SLC12A8: variants seen among roughly 807,000 people sequenced by gnomAD.
SLC12A8 encodes the protein cation-chloride cotransporter 9.
A neutral mutation model predicts 75.6 loss-of-function variants in SLC12A8; 69 were observed. The observed-to-expected ratio is 0.91, with a 90% CI of 0.75 to 1.11. The LOEUF is 1.11. SLC12A8 is among the 50% of genes most tolerant of loss of function. The probability of loss-of-function intolerance (pLI) is 0.00; values close to 1 mark genes in which losing one functional copy is unlikely to be tolerated. For synonymous variants in SLC12A8, 365 were observed against 372.8 expected, an observed-to-expected ratio of 0.98 and a Z score of 0.24; for missense variants, 877 against 896.7, an observed-to-expected ratio of 0.98 and a Z score of 0.28.
chr3:125,135,232 C>A (rs1433798594), intron 6 of SLC12A8, among the ~76,000 whole-genome samples: 2 of 152,108 alleles, frequency 1.3e-5, no homozygotes, highest in Non-Finnish European at 2.9e-5. Context: ...TGTGCTGGTA[C>A]GGGTAGGGGG....
Position 125,149,692 on chromosome 3 carries a change from G to A in SLC12A8, c.623-13910C>T, listed in dbSNP as rs1306267844. 2.6e-5 allele frequency among the ~76,000 whole-genome samples: 4 copies of A among 152,102 alleles called. No homozygotes were observed. In the East Asian group the frequency reaches 7.7e-4, roughly 29 times the overall value. ...TTTGCTTCCTATTCAGGCCAGGAAG[G>A]GAGAGAAAGAGAAGAAATGGAAGGT... On this transcript the variant is annotated intron_variant, in intron 5 of 13. Transcript: ENST00000469902.
intron 4 of SLC12A8, among the ~76,000 whole-genome samples, chr3:125,185,927 G>A (rs2107793298): frequency 6.6e-6 from 1 of 152,332 alleles, no homozygotes; most frequent in South Asian, 2.1e-4. Context: ...GGCCGTGGCT[G>A]CCAGCACTTA....
chr3:125,101,830 A>G (rs958458688), intron 10 of SLC12A8, among the ~76,000 whole-genome samples: 5 of 152,214 alleles, frequency 3.3e-5, no homozygotes, highest in Admixed American at 1.3e-4. Context: ...TATTTGATCA[A>G]TGCTTCAATG....
chr3:125,111,218 C>T (rs1008543123), intron 8 of SLC12A8, among the ~76,000 whole-genome samples: 2 of 152,144 alleles, frequency 1.3e-5, no homozygotes, highest in African/African-American at 4.8e-5. Flanking sequence ...GTGCCCAACA[C>T]AGAAATATAA....
At chr3:125,124,651 C>T (rs1254233512) in intron 6 of SLC12A8, among the ~76,000 whole-genome samples, 1 of 152,174 alleles carries the variant, frequency 6.6e-6, no homozygotes, top group Non-Finnish European at 1.5e-5. Context: ...GGGGCTCACA[C>T]ACTGTGGCTG....
rs778779361 is a variant in SLC12A8 at position 125,088,351 on chromosome 3, G to C, written c.1941C>G (p.Ser647Arg). 6.2e-7 allele frequency: 1 copy of C among 1,614,182 alleles called. No homozygotes were observed. Among genetic ancestry groups the C allele is most frequent in the Admixed American group, 1.7e-5 (1 of 60,022 alleles). The change falls in exon 13 of 14, where the codon AGC becomes AGG. Residue 647 changes from serine to arginine, a missense_variant. Physicochemically the swap from Ser to Arg is moderately radical, Grantham distance 110. Coordinates refer to ENST00000469902, the MANE Select transcript of SLC12A8 (RefSeq NM_024628.6). ...GLHLGSASNF[S>R]FFRWMRSLLL... ...AGAGAGACCTCATCCACCGGAAAAAGCTGAAGTTGGAGGCTGATCCTGCAG... is the reference window on the plus strand; with the variant it reads ...AGAGAGACCTCATCCACCGGAAAAACCTGAAGTTGGAGGCTGATCCTGCAG...
rs757763406 is a variant in SLC12A8 at position 125,177,767 on chromosome 3, C to T, written c.598G>A (p.Gly200Ser). 1 of 1,614,004 alleles carries T rather than the reference C, an allele frequency of 6.2e-7. No individual in the cohort carries two copies. Among genetic ancestry groups the T allele is most frequent in the African/African-American group, 1.3e-5 (1 of 74,906 alleles). The change falls in exon 5 of 14, where the codon GGT becomes AGT. Residue 200 changes from glycine (G) to serine (S), a missense_variant. Transcript: ENST00000469902. ...CCTGGGTCCAGGTGGGTGAAAGAAC[C>T]CACCACAAAGTCCAGTGTGGACACG... ...LAVSTLDFVV[G>S]SFTHLDPEHG...
chr3:125,083,750 G>A lies in SLC12A8; in HGVS notation c.*140C>T. 2.6e-6 allele frequency: 2 copies of A among 756,436 alleles called. No individual in the cohort carries two copies. Among genetic ancestry groups the A allele is most frequent in the Non-Finnish European group, 4.0e-6 (2 of 494,382 alleles). The allele number at this position is 756,436 out of a possible 1,614,324, so 46.9% of individuals were successfully genotyped here. A position where few individuals can be genotyped will look rare whatever the true frequency, so the allele number is the denominator to read the frequency against. On this transcript the variant is annotated 3_prime_UTR_variant, in exon 14 of 14. Transcript: ENST00000469902. The stretch of plus-strand genomic sequence containing the variant: ...AAAAAAAAAAAAGGGAAAAGAAAAT[G>A]TAGATTTCCATTGTCCAAAGTGACA...
At chr3:125,161,542 G>C (rs549984356) in intron 5 of SLC12A8, among the ~76,000 whole-genome samples, 1 of 152,132 alleles carries the variant, frequency 6.6e-6, no homozygotes, top group Non-Finnish European at 1.5e-5. Context: ...CAGATCCCTG[G>C]TCTTTCTCTC....
At chr3:125,205,784 T>C (rs1253752799) in intron 2 of SLC12A8, among the ~76,000 whole-genome samples, 2 of 152,174 alleles carry the variant, frequency 1.3e-5, no homozygotes, top group South Asian at 4.1e-4. Context: ...TATGCCAAAT[T>C]TTCTATTTGC....
At chr3:125,098,806 T>C (rs913305573) in intron 10 of SLC12A8, among the ~76,000 whole-genome samples, 9 of 152,156 alleles carry the variant, frequency 5.9e-5, no homozygotes, top group East Asian at 3.8e-4. Flanking sequence ...AGGGGCAAAG[T>C]TGATTTGAAG....
At chr3:125,108,567 C>T (rs971644849) in intron 9 of SLC12A8, among the ~76,000 whole-genome samples, 1 of 152,082 alleles carries the variant, frequency 6.6e-6, no homozygotes, top group African/African-American at 2.4e-5. Context: ...CGTGGTTTTG[C>T]TATGTTGCCC....
At chr3:125,110,503 G>T (rs2107744212) in intron 8 of SLC12A8, 168 bp from the exon 9 acceptor site, 1 of 566,232 alleles carries the variant, frequency 1.8e-6, no homozygotes, top group South Asian at 2.8e-5. Context: ...TTCATTCCAT[G>T]GTTTCAGCTG....
chr3:125,188,994 G>A (rs148493049), intron 3 of SLC12A8, among the ~76,000 whole-genome samples: 196 of 152,296 alleles, frequency 1.3e-3, no homozygotes, highest in African/African-American at 4.5e-3. Context: ...CTATGTAATG[G>A]TTAATTTTAT....
At chr3:125,157,655 C>T (rs897994642) in intron 5 of SLC12A8, among the ~76,000 whole-genome samples, 18 of 152,218 alleles carry the variant, frequency 1.2e-4, no homozygotes, top group African/African-American at 4.3e-4. Context: ...GCTGAGTCTT[C>T]ACATATGCTG....
intron 6 of SLC12A8, among the ~76,000 whole-genome samples, chr3:125,132,175 G>A (rs1477228785): frequency 6.6e-6 from 1 of 152,208 alleles, no homozygotes; most frequent in Admixed American, 6.5e-5. Flanking sequence ...GCAGGAGCAG[G>A]TGGAGGCATG....
At chr3:125,189,875 C>A (rs941070130) in intron 3 of SLC12A8, among the ~76,000 whole-genome samples, 3 of 152,138 alleles carry the variant, frequency 2.0e-5, no homozygotes, top group Admixed American at 6.5e-5. Flanking sequence ...AACTGACCCC[C>A]AGGATCTCAC....
At chr3:125,119,763 T>C (rs1388163924) in intron 7 of SLC12A8, 3 of 428,392 alleles carry the variant, frequency 7.0e-6, no homozygotes, top group Non-Finnish European at 4.7e-6. Context: ...GTGAAACAGA[T>C]ACATTAATAT....
intron 9 of SLC12A8, 72 bp downstream of exon 9, chr3:125,110,117 T>C: frequency 2.7e-6 from 4 of 1,489,146 alleles, no homozygotes; most frequent in South Asian, 2.5e-5. Flanking sequence ...GCTTAACCAA[T>C]TGATGGGCCA....
Sources: allele counts gnomAD v4.1 joint callset (sites outside exome capture counted in the v4.1 genomes callset), GRCh38; gene constraint gnomAD v4.1.1; transcripts MANE v1.5; gene names NCBI Gene and HGNC (gene_info 2026-07-23, HGNC 2026-07-21).